The following MUC7 variants were observed in gnomAD, a reference collection of about 807,000 sequenced individuals.
MUC7 encodes mucin 7, secreted, also known as mucin-7.
MUC7 carries 2 observed loss-of-function variants against 2.5 expected under a neutral mutation model. The ratio of observed to expected loss-of-function variants is 0.81; its 90% CI spans 0.33 to 2.55. The LOEUF is 2.55. Among genes scored for constraint, MUC7 ranks in the 30% most tolerant of loss-of-function variants. The pLI is 0.11. For synonymous variants in MUC7, 133 were observed against 173.4 expected (o/e 0.77, Z 1.83); for missense variants, 408 against 455.6 (o/e 0.90, Z 0.95).
chr4:70,446,918 T>C (rs1734154780), intron 1 of MUC7, among the ~76,000 whole-genome samples: 1 of 152,178 alleles, frequency 6.6e-6, no homozygotes, highest in Admixed American at 6.5e-5. Context: ...GAACTGATTA[T>C]CTCTTATATT....
intron 1 of MUC7, among the ~76,000 whole-genome samples, chr4:70,456,025 T>A (rs1734401851): frequency 6.6e-6 from 1 of 152,182 alleles, no homozygotes; most frequent in South Asian, 2.1e-4. Flanking sequence ...TTGCAATCCA[T>A]ATCACTATCA....
Position 70,481,882 on chromosome 4 carries a change from A to G in MUC7, c.*4A>G. ...TGACGACATGGTGGAGCAATAGTAT[A>G]TTGTATGTTGTAAAGTGTTCTGTCA... On this transcript the variant is annotated 3_prime_UTR_variant, in exon 3 of 3. Transcript: ENST00000304887. 1.2e-6 allele frequency: 2 copies of G among 1,612,036 alleles called. No homozygotes were observed. Among genetic ancestry groups the G allele is most frequent in the Admixed American group, 3.3e-5 (2 of 59,802 alleles).
intron 1 of MUC7, among the ~76,000 whole-genome samples, chr4:70,462,339 A>G (rs1266310611): frequency 6.6e-6 from 1 of 152,230 alleles, no homozygotes; most frequent in Non-Finnish European, 1.5e-5. Flanking sequence ...ATTTCCTCTA[A>G]TTAACATACT....
chr4:70,468,497 A>G (rs1239966040), upstream of MUC7, among the ~76,000 whole-genome samples: 2 of 152,218 alleles, frequency 1.3e-5, no homozygotes, highest in Non-Finnish European at 2.9e-5. Flanking sequence ...ACATGATTGT[A>G]TATTTAGAAA....
At chr4:70,433,207 T>G (rs958338546) in intron 1 of MUC7, among the ~76,000 whole-genome samples, 4 of 152,182 alleles carry the variant, frequency 2.6e-5, no homozygotes, top group African/African-American at 9.7e-5. Flanking sequence ...TGTCTGGCTA[T>G]GGGGTCTCTT....
chr4:70,449,485 C>T (rs896121297), intron 1 of MUC7, among the ~76,000 whole-genome samples: 16 of 152,150 alleles, frequency 1.1e-4, no homozygotes, highest in Non-Finnish European at 2.1e-4. Context: ...CTGAGTCCCT[C>T]CCACAATATA....
chr4:70,445,282 C>A (rs1291938792), intron 1 of MUC7, among the ~76,000 whole-genome samples: 1 of 152,128 alleles, frequency 6.6e-6, no homozygotes, highest in East Asian at 1.9e-4. Context: ...CTTCATATTA[C>A]CTTCCTTGAA....
chr4:70,455,087 T>C (rs1734380683), intron 1 of MUC7, among the ~76,000 whole-genome samples: 1 of 152,176 alleles, frequency 6.6e-6, no homozygotes, highest in African/African-American at 2.4e-5. Context: ...TATTTTTTTT[T>C]CTGCCAGAAT....
intron 1 of MUC7, among the ~76,000 whole-genome samples, chr4:70,444,563 G>T (rs1408556650): frequency 6.6e-6 from 1 of 152,148 alleles, no homozygotes; most frequent in Non-Finnish European, 1.5e-5. Flanking sequence ...TACTGAAATG[G>T]TCGCTTCTGA....
At chr4:70,479,891 CA>C (rs1735116277) in intron 2 of MUC7, among the ~76,000 whole-genome samples, 2 of 152,194 alleles carry the variant, frequency 1.3e-5, no homozygotes, top group South Asian at 4.2e-4. Context: ...ATGAAAATCC[CA>C]AAAAACAAAC....
At chr4:70,438,432 TTTG>T (rs753210134) in intron 1 of MUC7, among the ~76,000 whole-genome samples, 8 of 150,246 alleles carry the variant, frequency 5.3e-5, no homozygotes, top group Non-Finnish European at 1.2e-4. Context: ...GAAATGAAGT[TTTG>T]TTTTGTTTTG....
chr4:70,436,038 C>G (rs1733822536), intron 1 of MUC7, among the ~76,000 whole-genome samples: 1 of 152,208 alleles, frequency 6.6e-6, no homozygotes, highest in Admixed American at 6.5e-5. Context: ...CCCCCACTCT[C>G]TTCTGGCTTG....
At chr4:70,450,759 G>A (rs1174298171) in intron 1 of MUC7, among the ~76,000 whole-genome samples, 5 of 152,112 alleles carry the variant, frequency 3.3e-5, no homozygotes, top group Non-Finnish European at 4.4e-5. Flanking sequence ...CTAGGGCCTG[G>A]AACAAGGGCC....
At chr4:70,455,507 C>G (rs1469870452) in intron 1 of MUC7, among the ~76,000 whole-genome samples, 2 of 152,104 alleles carry the variant, frequency 1.3e-5, no homozygotes, top group African/African-American at 4.8e-5. Flanking sequence ...GTTTGCAATT[C>G]TTTCTGGTTT....
chr4:70,444,749 A>T (rs1420138920), intron 1 of MUC7, among the ~76,000 whole-genome samples: 1 of 152,188 alleles, frequency 6.6e-6, no homozygotes, highest in Non-Finnish European at 1.5e-5. Context: ...AGTATCAAAA[A>T]TGCTATCAAG....
intron 1 of MUC7, among the ~76,000 whole-genome samples, chr4:70,455,986 T>C (rs1318620973): frequency 6.6e-6 from 1 of 152,150 alleles, no homozygotes; most frequent in Non-Finnish European, 1.5e-5. Flanking sequence ...AGTTCCTAAT[T>C]TCCATGTGAG....
At chr4:70,472,562 C>A (rs901765993) in intron 1 of MUC7, among the ~76,000 whole-genome samples, 2 of 152,084 alleles carry the variant, frequency 1.3e-5, no homozygotes, top group Admixed American at 1.3e-4. Flanking sequence ...TCAATTGGGT[C>A]AGATTGTTTT....
intron 1 of MUC7, among the ~76,000 whole-genome samples, chr4:70,453,958 TG>T (rs1247257496): frequency 6.6e-6 from 1 of 152,104 alleles, no homozygotes; most frequent in Non-Finnish European, 1.5e-5. Flanking sequence ...GATCCTAGAA[TG>T]GGGGCCTCAC....
chr4:70,479,435 T>G (rs1735105222), intron 2 of MUC7, among the ~76,000 whole-genome samples: 1 of 152,190 alleles, frequency 6.6e-6, no homozygotes, highest in Non-Finnish European at 1.5e-5. Flanking sequence ...TGCACTAAAC[T>G]TTGTGTCCAA....
Sources: allele counts gnomAD v4.1 joint callset (sites outside exome capture counted in the v4.1 genomes callset), GRCh38; gene constraint gnomAD v4.1.1; transcripts MANE v1.5; gene names NCBI Gene and HGNC (gene_info 2026-07-23, HGNC 2026-07-21).